The following PES1 variants were observed in gnomAD, a reference collection of about 807,000 sequenced individuals.
PES1 encodes pescadillo homolog.
In PES1, 31 loss-of-function variants were observed where a neutral mutation model predicts 77.1. The observed-to-expected ratio is 0.40, with a 90% CI of 0.30 to 0.54. The LOEUF is 0.54. PES1 is among the 20% of genes least tolerant of loss of function. The pLI is 0.45. For synonymous variants in PES1, 282 were observed against 303.0 expected, an observed-to-expected ratio of 0.93 and a Z score of 0.72; for missense variants, 658 against 771.7, an observed-to-expected ratio of 0.85 and a Z score of 1.75.
intron 3 of PES1, 129 bp from the exon 4 acceptor site, chr22:30,587,524 G>C: frequency 1.5e-6 from 1 of 677,424 alleles, no homozygotes; most frequent in Non-Finnish European, 2.5e-6. Context: ...CTATGTGCCT[G>C]TGTCACTGAC....
chr22:30,580,055 G>A lies in PES1; in HGVS notation c.1167C>T (p.Gly389=). 6.2e-7 allele frequency: 1 copy of A among 1,613,832 alleles called. No homozygotes were observed. Among genetic ancestry groups the A allele is most frequent in the Non-Finnish European group, 8.5e-7 (1 of 1,179,836 alleles). ...GACGAGGACCCTTGAGGGCCTACCTGCCAATGACTGAGGTCTGCTGCCCAG... is the reference window on the plus strand; with the variant it reads ...GACGAGGACCCTTGAGGGCCTACCTACCAATGACTGAGGTCTGCTGCCCAG... ...DRPGQQTSVI[G]RCYVQPQWVF... is the part of the protein sequence containing the mutation. Residue 389 remains glycine, a splice_region_variant and synonymous_variant, in exon 11 of 15, where the codon GGC becomes GGT. Coordinates refer to ENST00000354694, the MANE Select transcript of PES1 (RefSeq NM_014303.4).
intron 12 of PES1, 68 bp from the exon 13 acceptor site, chr22:30,579,371 C>A (rs1414377311): frequency 6.3e-7 from 1 of 1,595,014 alleles, no homozygotes; most frequent in African/African-American, 1.3e-5. Flanking sequence ...TGACAACAGG[C>A]CCAGGCCCCA....
chr22:30,580,072 G>C lies in PES1; in HGVS notation c.1150C>G (p.Gln384Glu), dbSNP rs771349794. The C allele has an allele frequency of 7.4e-6, 12 of 1,614,072 alleles. No individual in the cohort carries two copies. Among genetic ancestry groups the C allele is most frequent in the Middle Eastern group, 3.3e-4 (2 of 6,060 alleles). ...GCCTACCTGCCAATGACTGAGGTCT[G>C]CTGCCCAGGCCGGTCGACAATCTGA... Reference protein sequence around the residue: ...THQIVDRPGQQTSVIGRCYVQ... With the variant: ...THQIVDRPGQETSVIGRCYVQ... Residue 384 changes from glutamine to glutamate, a missense_variant, in exon 11 of 15, where the codon CAG (glutamine) becomes GAG (glutamate). Gln to Glu is a conservative substitution (Grantham distance 29). Coordinates refer to ENST00000354694, the MANE Select transcript of PES1 (RefSeq NM_014303.4).
intron 1 of PES1, among the ~76,000 whole-genome samples, chr22:30,605,776 TTCC>T (rs1212050601): frequency 3.3e-5 from 5 of 152,212 alleles, no homozygotes; most frequent in African/African-American, 9.6e-5. Context: ...TTTCAAGTAG[TTCC>T]GTAAACAGAC....
intron 4 of PES1, chr22:30,587,085 G>A (rs1392377415): frequency 1.8e-6 from 1 of 553,858 alleles, no homozygotes; most frequent in Non-Finnish European, 3.2e-6. Flanking sequence ...TCCCTTCAGA[G>A]ACCCCTCTGA....
At chr22:30,584,489 A>G in intron 5 of PES1, 35 bp from the exon 6 acceptor site, 1 of 1,609,472 alleles carries the variant, frequency 6.2e-7, no homozygotes, top group Non-Finnish European at 8.5e-7. Context: ...GGTGAAGACC[A>G]TGGGGTGGCA....
intron 2 of PES1, among the ~76,000 whole-genome samples, chr22:30,597,801 G>C (rs1203873496): frequency 6.6e-6 from 1 of 151,856 alleles, no homozygotes. Context: ...TGTGGGTGGG[G>C]CCAGATAAGA....
In PES1 at chr22:30,605,377, G is replaced by A. The variant is rs900574631; in HGVS notation, c.-661+84C>T. The A allele has an allele frequency of 6.5e-6, 5 of 770,018 alleles. No individual in the cohort carries two copies. In the African/African-American group the frequency reaches 9.4e-5, roughly 14 times the overall value. 47.7% of individuals were successfully genotyped at this position (770,018 alleles called of 1,614,324 possible). On this transcript the variant is annotated intron_variant, in intron 2 of 16. Coordinates refer to the PES1 transcript ENST00000402281. Reference sequence around the variant, plus strand: ...CACTGAGTCCAGGTAGGTAGGCAGGGGGGTGTCTCCCTCCTTTACTTCGAC... The same window carrying A: ...CACTGAGTCCAGGTAGGTAGGCAGGAGGGTGTCTCCCTCCTTTACTTCGAC...
intron 2 of PES1, among the ~76,000 whole-genome samples, chr22:30,597,031 A>G (rs1048484358): frequency 6.6e-6 from 1 of 152,188 alleles, no homozygotes; most frequent in Non-Finnish European, 1.5e-5. Flanking sequence ...AGAGTGCGCC[A>G]GGTTCCCCAG....
In PES1 at chr22:30,590,576, T is replaced by C. The variant is rs190334930; in HGVS notation, c.24+1234A>G. On this transcript the variant is annotated intron_variant, in intron 1 of 14. Coordinates refer to ENST00000354694, the MANE Select transcript of PES1 (RefSeq NM_014303.4). ...GAGTTTTCATTTATAGCGTTTTCCA[T>C]TACCTTATGCCACACTTATCTCTGT... Among the ~76,000 whole-genome samples, 3 of 152,336 alleles carry C rather than the reference T, an allele frequency of 2.0e-5. No homozygotes were observed. The East Asian group carries it at 5.8e-4, about 29-fold the overall frequency.
intron 1 of PES1, 127 bp from the exon 2 acceptor site, chr22:30,589,397 A>C: frequency 1.3e-6 from 1 of 783,616 alleles, no homozygotes; most frequent in East Asian, 2.7e-5. Context: ...CTAGGAGAGG[A>C]AACACTGCAG....
chr22:30,589,076 A>G (rs1399622839), intron 2 of PES1, 115 bp downstream of exon 2: 2 of 706,622 alleles, frequency 2.8e-6, no homozygotes, highest in Non-Finnish European at 4.8e-6. Flanking sequence ...GGTGAGAAAG[A>G]GAAGGAATAC....
chr22:30,578,854 T>C lies in PES1; in HGVS notation c.1666A>G (p.Arg556Gly), dbSNP rs2086938905. The C allele has an allele frequency of 6.2e-7, 1 of 1,612,290 alleles. No individual in the cohort carries two copies. The highest frequency in any genetic ancestry group is 8.5e-7 in the Non-Finnish European group (1 of 1,180,014). ...YLYQKIMFGK[R>G]RKIREANKLA... ...GAACTCACCTCTCGGATTTTTCGCC[T>C]CTTGCCAAACATGATCTTCTGGTAC... is the stretch of plus-strand genomic sequence containing the variant. Residue 556 changes from arginine (R) to glycine (G), a missense_variant, in exon 14 of 15, where the codon AGG becomes GGG. By Grantham distance (125) the Arg-to-Gly change is moderately radical. Transcript: ENST00000354694.
intron 14 of PES1, among the ~76,000 whole-genome samples, chr22:30,578,362 G>A (rs1179775050): frequency 6.6e-6 from 1 of 152,148 alleles, no homozygotes; most frequent in Non-Finnish European, 1.5e-5. Context: ...GAAACCTGGG[G>A]GCTGTTACTA....
At chr22:30,577,736 T>C (rs549871984) in intron 14 of PES1, among the ~76,000 whole-genome samples, 1 of 152,054 alleles carries the variant, frequency 6.6e-6, no homozygotes, top group Admixed American at 6.6e-5. Flanking sequence ...CCTCAAGTGA[T>C]CCTCCTGTCT....
chr22:30,600,615 G>GA (rs1487462039), intron 2 of PES1, among the ~76,000 whole-genome samples: 3 of 152,086 alleles, frequency 2.0e-5, no homozygotes, highest in African/African-American at 7.2e-5. Flanking sequence ...AGGAGATGGA[G>GA]ACCATCCTGG....
chr22:30,598,841 A>G (rs1409819176), intron 2 of PES1, among the ~76,000 whole-genome samples: 1 of 150,844 alleles, frequency 6.6e-6, no homozygotes, highest in Non-Finnish European at 1.5e-5. Flanking sequence ...TCGTAAATTA[A>G]GAAAGCCCAA....
chr22:30,591,703 C>T (rs2087179090), intron 1 of PES1, 107 bp downstream of exon 1: 4 of 1,285,472 alleles, frequency 3.1e-6, no homozygotes, highest in Admixed American at 4.7e-5. Flanking sequence ...CACGTCGATC[C>T]CGTCTTTCCA....
intron 5 of PES1, 44 bp from the exon 6 acceptor site, chr22:30,584,498 C>T: frequency 6.2e-7 from 1 of 1,608,808 alleles, no homozygotes; most frequent in South Asian, 1.1e-5. Flanking sequence ...CATGGGGTGG[C>T]AGGAGAGGGG....
Sources: gnomAD v4.1 joint callset for allele counts (sites outside exome capture counted in the v4.1 genomes callset) on GRCh38, gnomAD v4.1.1 for gene constraint, MANE v1.5 for transcripts, NCBI Gene and HGNC (gene_info 2026-07-23, HGNC 2026-07-21) for gene names.